VNN1: variants seen among roughly 807,000 people sequenced by gnomAD.
VNN1 encodes the protein vanin 1, also known as pantetheinase.
VNN1 carries 29 observed loss-of-function variants against 41.9 expected under a neutral mutation model. That is an observed-to-expected ratio of 0.69 (90% CI 0.52 to 0.94). The LOEUF is 0.94. VNN1 is among the 40% of genes least tolerant of loss of function. The pLI, the probability that VNN1 is intolerant of heterozygous loss-of-function variation, is 0.00. For missense variants in VNN1, 637 were observed against 621.1 expected, an observed-to-expected ratio of 1.03 and a Z score of -0.27; for synonymous variants, 233 against 224.4, an observed-to-expected ratio of 1.04 and a Z score of -0.34.
chr6:132,708,281 G>C (rs1352400767), intron 2 of VNN1, among the ~76,000 whole-genome samples: 2 of 152,158 alleles, frequency 1.3e-5, no homozygotes, highest in Non-Finnish European at 2.9e-5. Flanking sequence ...GTAATGAGCA[G>C]CTCTTTACCA....
chr6:132,711,533 T>A (rs1778599372), intron 2 of VNN1, among the ~76,000 whole-genome samples, 176 bp downstream of exon 2: 1 of 152,242 alleles, frequency 6.6e-6, no homozygotes, highest in Non-Finnish European at 1.5e-5. Flanking sequence ...CTCTGACTTC[T>A]GTGACTTCAT....
chr6:132,709,104 C>A (rs1292016584), intron 2 of VNN1, among the ~76,000 whole-genome samples: 2 of 152,018 alleles, frequency 1.3e-5, no homozygotes, highest in Non-Finnish European at 2.9e-5. Context: ...ATTCACCTTC[C>A]CCACTTTATT....
chr6:132,711,410 T>C (rs187569557), intron 2 of VNN1, among the ~76,000 whole-genome samples: 2 of 152,106 alleles, frequency 1.3e-5, no homozygotes, highest in East Asian at 1.9e-4. Flanking sequence ...CATTTACTCA[T>C]ATAGTTTTCA....
chr6:132,693,791 A>T (rs1189129539), intron 3 of VNN1, among the ~76,000 whole-genome samples, 199 bp downstream of exon 3: 2 of 152,200 alleles, frequency 1.3e-5, no homozygotes, highest in African/African-American at 4.8e-5. Flanking sequence ...TCCTGAAAAC[A>T]CACTCCTGTG....
At chr6:132,684,932 T>A (rs1778186275) in intron 5 of VNN1, among the ~76,000 whole-genome samples, 1 of 152,232 alleles carries the variant, frequency 6.6e-6, no homozygotes, top group Non-Finnish European at 1.5e-5. Flanking sequence ...GTAAAAGCAA[T>A]CAGATCCTTG....
intron 2 of VNN1, among the ~76,000 whole-genome samples, chr6:132,695,224 G>A (rs1298947874): frequency 1.3e-5 from 2 of 152,046 alleles, no homozygotes; most frequent in East Asian, 1.9e-4. Context: ...AGCAGAGCAG[G>A]GAATTTTTCT....
In VNN1 at chr6:132,693,008, T is replaced by C; in HGVS notation, c.826+16A>G. 2 of 1,580,802 alleles carry C rather than the reference T, an allele frequency of 1.3e-6. No individual in the cohort carries two copies. Among genetic ancestry groups the C allele is most frequent in the Non-Finnish European group, 1.7e-6 (2 of 1,164,206 alleles). On this transcript the variant is annotated intron_variant, in intron 4 of 6. Transcript: ENST00000367928. ...CTGATTACATCAGCCTGCATATCTT[T>C]AAGATCACACATTACCTGTCATTTT... is the stretch of plus-strand genomic sequence containing the variant.
At chr6:132,690,774 G>A (rs911093784) in intron 5 of VNN1, among the ~76,000 whole-genome samples, 21 of 152,164 alleles carry the variant, frequency 1.4e-4, no homozygotes, top group African/African-American at 5.1e-4. Flanking sequence ...TGTGCAGTTG[G>A]CATAATTTCA....
At chr6:132,692,719 A>T in intron 4 of VNN1, 135 bp from the exon 5 acceptor site, 3 of 1,257,048 alleles carry the variant, frequency 2.4e-6, no homozygotes, top group Non-Finnish European at 3.1e-6. Context: ...TCAGTAAAAC[A>T]TGCTGATAAA....
chr6:132,693,962 A>G lies in VNN1; in HGVS notation c.534+28T>C, dbSNP rs186452842. On this transcript the variant is annotated intron_variant, in intron 3 of 6. Transcript: ENST00000367928. ...CACTTTATTTCATTAGGCATTAACTAATTGGATTATTTGCAAATTAATTTT... is the reference window on the plus strand; with the variant it reads ...CACTTTATTTCATTAGGCATTAACTGATTGGATTATTTGCAAATTAATTTT... 4.3e-6 allele frequency: 7 copies of G among 1,611,540 alleles called. No individual in the cohort carries two copies. The African/African-American group carries it at 9.3e-5, about 21-fold the overall frequency.
intron 1 of VNN1, among the ~76,000 whole-genome samples, chr6:132,713,168 T>G (rs927095148): frequency 2.0e-5 from 3 of 152,218 alleles, no homozygotes; most frequent in Non-Finnish European, 4.4e-5. Flanking sequence ...TATAGATATA[T>G]GTAATACACA....
intron 4 of VNN1, 95 bp downstream of exon 4, chr6:132,692,929 G>T: frequency 7.5e-7 from 1 of 1,335,072 alleles, no homozygotes; most frequent in Middle Eastern, 2.3e-4. Context: ...GGAAAACATT[G>T]TATTAAGGAG....
intron 1 of VNN1, among the ~76,000 whole-genome samples, chr6:132,712,137 GC>G (rs1264376012): frequency 6.8e-6 from 1 of 147,604 alleles, no homozygotes; most frequent in Non-Finnish European, 1.5e-5. Context: ...TTCTAGTCAA[GC>G]ATTTTTTTTT....
At chr6:132,705,935 A>C (rs1350378263) in intron 2 of VNN1, among the ~76,000 whole-genome samples, 1 of 152,170 alleles carries the variant, frequency 6.6e-6, no homozygotes, top group Non-Finnish European at 1.5e-5. Flanking sequence ...AAAATACAAT[A>C]CCTAGGAATT....
chr6:132,705,557 C>G (rs1024314668), intron 2 of VNN1, among the ~76,000 whole-genome samples: 2 of 152,130 alleles, frequency 1.3e-5, no homozygotes, highest in African/African-American at 4.8e-5. Flanking sequence ...AGACCCATGG[C>G]TGGTATCATA....
chr6:132,706,332 A>G (rs901762485), intron 2 of VNN1, among the ~76,000 whole-genome samples: 1 of 152,192 alleles, frequency 6.6e-6, no homozygotes, highest in African/African-American at 2.4e-5. Context: ...AACAGAAGAG[A>G]GAACCCAGAA....
intron 6 of VNN1, among the ~76,000 whole-genome samples, chr6:132,683,697 C>G (rs960341026): frequency 2.0e-5 from 3 of 152,192 alleles, no homozygotes; most frequent in Non-Finnish European, 4.4e-5. Context: ...GAGCATCTGT[C>G]ATCTCCTGTC....
At chr6:132,702,384 T>C (rs1405987021) in intron 2 of VNN1, among the ~76,000 whole-genome samples, 1 of 152,156 alleles carries the variant, frequency 6.6e-6, no homozygotes, top group African/African-American at 2.4e-5. Context: ...CATTAAAAAA[T>C]TGTCTTCCAC....
chr6:132,713,767 C>T, intron 1 of VNN1, 59 bp downstream of exon 1: 2 of 1,580,618 alleles, frequency 1.3e-6, no homozygotes, highest in Non-Finnish European at 1.7e-6. Flanking sequence ...GCCCTGTCTC[C>T]TAGGACCCCC....
Sources: allele counts gnomAD v4.1 joint callset (sites outside exome capture counted in the v4.1 genomes callset), GRCh38; gene constraint gnomAD v4.1.1; transcripts MANE v1.5; gene names NCBI Gene and HGNC (gene_info 2026-07-23, HGNC 2026-07-21).